Variants in FGF14 observed in about 807,000 individuals in gnomAD.
The protein encoded by FGF14 is fibroblast growth factor 14, also known as fibroblast growth factor homologous factor 4.
A neutral mutation model predicts 25.5 loss-of-function variants in FGF14; 5 were observed. The ratio of observed to expected loss-of-function variants is 0.20; its 90% confidence interval spans 0.10 to 0.41. The LOEUF (loss-of-function observed/expected upper bound fraction) is 0.41, where lower values mean the gene tolerates loss of function less well. Ranked by LOEUF, FGF14 falls within the 10% of genes least tolerant of loss-of-function variation. The probability of loss-of-function intolerance (pLI) is 1.00; values close to 1 mark genes in which losing one functional copy is unlikely to be tolerated. For missense variants in FGF14, 222 were observed against 320.1 expected (o/e 0.69, Z 2.34); for synonymous variants, 138 against 118.3 (o/e 1.17, Z -1.08).
At chr13:102,359,632 TTTAG>T (rs1342010050) in intron 1 of FGF14, among the ~76,000 whole-genome samples, 21 of 152,278 alleles carry the variant, frequency 1.4e-4, no homozygotes, top group South Asian at 2.1e-4. Flanking sequence ...TGTACAGTGG[TTTAG>T]TTAAAGTTAT....
At chr13:102,309,167 C>CACA (rs549521419) in intron 1 of FGF14, among the ~76,000 whole-genome samples, 3 of 151,532 alleles carry the variant, frequency 2.0e-5, no homozygotes, top group Non-Finnish European at 2.9e-5. Context: ...CACACACACA[C>CACA]ATCTCGCACA....
intron 3 of FGF14, among the ~76,000 whole-genome samples, chr13:101,849,247 AG>A (rs2043621652): frequency 6.6e-6 from 1 of 151,438 alleles, no homozygotes. Context: ...GAGTGGGAAA[AG>A]GGGGTTTTCT....
At chr13:102,401,808 G>A, upstream of FGF14, 1 of 792,930 alleles carries the variant, frequency 1.3e-6, no homozygotes, top group Non-Finnish European at 2.1e-6. Context: ...ATCACCACCG[G>A]ATTATTACCA....
intron 1 of FGF14, among the ~76,000 whole-genome samples, chr13:102,043,008 C>T (rs1365570951): frequency 1.3e-5 from 2 of 152,128 alleles, no homozygotes; most frequent in Non-Finnish European, 1.5e-5. Flanking sequence ...ATTTACCAGA[C>T]GGACGAATGG....
intron 1 of FGF14, among the ~76,000 whole-genome samples, chr13:101,885,158 G>T (rs1170408128): frequency 1.3e-5 from 2 of 152,168 alleles, no homozygotes; most frequent in Non-Finnish European, 2.9e-5. Context: ...GCAGTCCAGG[G>T]CTATTTTAGA....
intron 1 of FGF14, among the ~76,000 whole-genome samples, chr13:102,303,774 C>T (rs181153702): frequency 3.3e-5 from 5 of 152,130 alleles, no homozygotes; most frequent in East Asian, 1.9e-4. Flanking sequence ...GTCACTGCCA[C>T]GAACCTAGAT....
At chr13:102,230,975 C>A (rs2051060146) in intron 1 of FGF14, among the ~76,000 whole-genome samples, 1 of 152,126 alleles carries the variant, frequency 6.6e-6, no homozygotes, top group African/African-American at 2.4e-5. Context: ...TACTCAAGGT[C>A]TCAGAGGTAG....
At chr13:101,986,569 G>C (rs1057040057) in intron 1 of FGF14, among the ~76,000 whole-genome samples, 18 of 152,056 alleles carry the variant, frequency 1.2e-4, no homozygotes, top group African/African-American at 4.3e-4. Flanking sequence ...AAGTTGCGTA[G>C]GTCTTGCTGT....
intron 3 of FGF14, among the ~76,000 whole-genome samples, chr13:101,759,965 GA>G (rs2037912410): frequency 1.3e-5 from 2 of 152,016 alleles, no homozygotes; most frequent in Admixed American, 6.6e-5. Flanking sequence ...CTCCTAAGAG[GA>G]AAAAGGATTT....
chr13:102,275,234 T>TTCTCCCTC lies in FGF14; in HGVS notation c.208+126236_208+126237insGAGGGAGA, dbSNP rs2053455274. On this transcript the variant is annotated intron_variant, in intron 1 of 4. Transcript: ENST00000376131. Reference sequence around the variant, plus strand: ...ATCTGCCAACTGAGATTAGGCAGATTTCTCTCTCTCTCTCTCTCTCTCTCT... The same window carrying TTCTCCCTC: ...ATCTGCCAACTGAGATTAGGCAGATTTCTCCCTCTCTCTCTCTCTCTCTCTCTCTCTCT... Among the ~76,000 whole-genome samples the TTCTCCCTC allele has an allele frequency of 8.9e-5, 6 of 67,448 alleles. No individual in the cohort carries two copies. In the East Asian group the frequency reaches 1.5e-3, roughly 16 times the overall value. 44.2% of individuals were successfully genotyped at this position (67,448 alleles called of 152,430 possible). A position where few individuals can be genotyped will look rare whatever the true frequency, so the allele number is the denominator to read the frequency against.
chr13:102,378,169 C>A (rs1036082009), intron 1 of FGF14, among the ~76,000 whole-genome samples: 3 of 152,138 alleles, frequency 2.0e-5, no homozygotes, highest in Admixed American at 6.6e-5. Context: ...GCACACAACA[C>A]CAGGAGTGAA....
Position 102,326,417 on chromosome 13 carries a change from T to G in FGF14, c.208+75054A>C, listed in dbSNP as rs377606566. Among the ~76,000 whole-genome samples, 11 of 152,286 alleles carry G rather than the reference T, an allele frequency of 7.2e-5. No individual in the cohort carries two copies. The South Asian group carries it at 1.0e-3, about 14-fold the overall frequency. On this transcript the variant is annotated intron_variant, in intron 1 of 4. Coordinates refer to the FGF14 transcript ENST00000376131. ...AAGAATACTGACCTCTTGCTTATGA[T>G]TTTCTTGGCCCAGTAAACTCTTTTC...
chr13:101,970,492 C>A (rs1408001403), intron 1 of FGF14, among the ~76,000 whole-genome samples: 1 of 152,124 alleles, frequency 6.6e-6, no homozygotes, highest in Non-Finnish European at 1.5e-5. Context: ...CCAAGGCATG[C>A]CTCTTTGACA....
chr13:102,399,347 TA>T (rs886334644), intron 1 of FGF14, among the ~76,000 whole-genome samples: 4 of 152,198 alleles, frequency 2.6e-5, no homozygotes, highest in Non-Finnish European at 5.9e-5. Flanking sequence ...CACATCTAAA[TA>T]AAAAATGTTT....
At chr13:102,050,019 C>G (rs2042152304) in intron 1 of FGF14, among the ~76,000 whole-genome samples, 1 of 152,116 alleles carries the variant, frequency 6.6e-6, no homozygotes, top group Admixed American at 6.6e-5. Flanking sequence ...GACAGCCCTC[C>G]TAGCAAACTA....
chr13:101,954,809 T>A (rs908742073), intron 1 of FGF14, among the ~76,000 whole-genome samples: 25 of 152,170 alleles, frequency 1.6e-4, no homozygotes, highest in African/African-American at 5.8e-4. Flanking sequence ...CTAGCAGCTA[T>A]GAGAATTCAG....
In FGF14 at chr13:101,950,860, G is replaced by A. The variant is rs372974051; in HGVS notation, c.209-75564C>T. On this transcript the variant is annotated intron_variant, in intron 1 of 4. Coordinates refer to the FGF14 transcript ENST00000376131. ...AGTTCAAGTGGTCAAATTAAAAAAT[G>A]GCAAGATACCACAAACAAAAAGGGG... 5.1e-4 allele frequency among the ~76,000 whole-genome samples: 67 copies of A among 130,810 alleles called. 1 individual carries two copies. The highest frequency in any genetic ancestry group is 1.6e-3 in the African/African-American group (63 of 38,778). 85.8% of individuals were successfully genotyped at this position (130,810 alleles called of 152,430 possible). A position where few individuals can be genotyped will look rare whatever the true frequency, so the allele number is the denominator to read the frequency against.
chr13:102,381,119 A>G lies in FGF14; in HGVS notation c.208+20352T>C, dbSNP rs1234835858. Among the ~76,000 whole-genome samples, 3 of 152,198 alleles carry G rather than the reference A, an allele frequency of 2.0e-5. No homozygotes were observed. The East Asian group carries it at 5.8e-4, about 29-fold the overall frequency. ...GCAATTTATTGAATATTGTACTTAA[A>G]GTAAAAAACAGGATGGTTGTATGGG... On this transcript the variant is annotated intron_variant, in intron 1 of 4. Transcript: ENST00000376131.
At chr13:101,945,798 G>T (rs1365351245) in intron 1 of FGF14, among the ~76,000 whole-genome samples, 2 of 152,210 alleles carry the variant, frequency 1.3e-5, no homozygotes, top group Admixed American at 6.5e-5. Flanking sequence ...TCAACACGGG[G>T]AGGAAATGGA....
Sources: gnomAD v4.1 joint callset for allele counts (sites outside exome capture counted in the v4.1 genomes callset) on GRCh38, gnomAD v4.1.1 for gene constraint, MANE v1.5 for transcripts, NCBI Gene and HGNC (gene_info 2026-07-23, HGNC 2026-07-21) for gene names.